The following CPLANE1 variants were observed in gnomAD, a reference collection of about 807,000 sequenced individuals.
CPLANE1 encodes the protein ciliogenesis and planar polarity effector 1.
In CPLANE1, 263 loss-of-function variants were observed where a neutral mutation model predicts 362.5. That is an observed-to-expected ratio of 0.73 (90% CI 0.66 to 0.80). The LOEUF (loss-of-function observed/expected upper bound fraction) is 0.80, where lower values mean the gene tolerates loss of function less well. Ranked by LOEUF, CPLANE1 falls within the 30% of genes least tolerant of loss-of-function variation. The pLI is 0.00. For missense variants in CPLANE1, 3,461 were observed against 3,793.4 expected, an observed-to-expected ratio of 0.91 and a Z score of 2.30; for synonymous variants, 1,212 against 1,302.6, an observed-to-expected ratio of 0.93 and a Z score of 1.50.
rs777792981 is a variant in CPLANE1, at chr5:37,186,266, T to G, written c.4189+20A>C. ...TTCTGCAATTTATCTGTTAGCTATC[T>G]GAGAAACAACAAATAATACCTTTCA... On this transcript the variant is annotated intron_variant, in intron 24 of 52. Transcript: ENST00000651892. 2 of 1,162,538 alleles carry G rather than the reference T, an allele frequency of 1.7e-6. No homozygotes were observed. The highest frequency in any genetic ancestry group is 2.6e-6 in the Non-Finnish European group (2 of 783,912). 72.0% of individuals were successfully genotyped at this position (1,162,538 alleles called of 1,614,324 possible).
At chr5:37,193,169 A>C (rs1473632484) in intron 21 of CPLANE1, among the ~76,000 whole-genome samples, 1 of 150,264 alleles carries the variant, frequency 6.7e-6, no homozygotes. Context: ...ACTCCAACTA[A>C]AAAAAAAACG....
chr5:37,181,073 A>T (rs1424302984), intron 26 of CPLANE1, 68 bp from the exon 27 acceptor site: 1 of 1,335,024 alleles, frequency 7.5e-7, no homozygotes, highest in Non-Finnish European at 1.0e-6. Flanking sequence ...TTTTAAAATT[A>T]TTCATTCTTT....
chr5:37,142,568 G>T, intron 43 of CPLANE1, 88 bp from the exon 44 acceptor site: 2 of 813,432 alleles, frequency 2.5e-6, no homozygotes, highest in East Asian at 2.9e-5. Context: ...TTTCCAACTG[G>T]CAACCCAGAT....
chr5:37,078,123 G>GTGGTT, the CPLANE1 span, among the ~76,000 whole-genome samples: 2 of 152,134 alleles, frequency 1.3e-5, no homozygotes, highest in Non-Finnish European at 2.9e-5. Context: ...GTGTGGTGTG[G>GTGGTT]TGGTTTGCTG....
At chr5:37,208,678 C>CCG (rs1282896454) in intron 16 of CPLANE1, among the ~76,000 whole-genome samples, 3 of 103,360 alleles carry the variant, frequency 2.9e-5, no homozygotes, top group African/African-American at 1.0e-4. Flanking sequence ...CTCTGTCTCC[C>CCG]CCCCCCCCCA....
chr5:37,122,742 C>T (rs1051740402), intron 47 of CPLANE1, among the ~76,000 whole-genome samples: 10 of 152,038 alleles, frequency 6.6e-5, no homozygotes, highest in East Asian at 1.9e-4. Flanking sequence ...GGTGAAACCT[C>T]GTCTCTACTA....
At position 37,157,325 on chromosome 5, in the gene CPLANE1, GTA is replaced by G. The variant is rs1291647947; in HGVS notation, c.8105_8106del (p.Ile2702ThrfsTer55). ...CTTGGCTGTTTACCTTTGTTCTGCT[GTA>G]TGTCTGATGGTGTAGGTGAGGTGAC... ...PSVTSPTPSD[I>X]QQNKGLPKPE... On this transcript the variant is annotated frameshift_variant, in exon 41 of 53. Coordinates refer to ENST00000651892, the MANE Select transcript of CPLANE1 (RefSeq NM_001384732.1). LOFTEE classifies it high-confidence loss of function. 7.3e-7 allele frequency: 1 copy of G among 1,369,122 alleles called. No homozygotes were observed. The highest frequency in any genetic ancestry group is 9.7e-7 in the Non-Finnish European group (1 of 1,033,038). The allele number at this position is 1,369,122 out of a possible 1,614,324, so 84.8% of individuals were successfully genotyped here.
Position 37,209,707 on chromosome 5 carries a change from T to C in CPLANE1, c.2921-3282A>G. 1 of 1,245,322 alleles carries C rather than the reference T, an allele frequency of 8.0e-7. No individual in the cohort carries two copies. Among genetic ancestry groups the C allele is most frequent in the Non-Finnish European group, 1.2e-6 (1 of 846,470 alleles). The allele number at this position is 1,245,322 out of a possible 1,614,324, so 77.1% of individuals were successfully genotyped here. A position where few individuals can be genotyped will look rare whatever the true frequency, so the allele number is the denominator to read the frequency against. On this transcript the variant is annotated intron_variant, in intron 16 of 52. Coordinates refer to ENST00000651892, the MANE Select transcript of CPLANE1 (RefSeq NM_001384732.1). The surrounding 1 kb of genome is among the most constrained non-coding windows in gnomAD (Gnocchi z 4.6). The stretch of plus-strand genomic sequence containing the variant: ...ACTATGCAGGATCTATTACAACTCA[T>C]TAAAATCAACCCTACTTCCAGTCTG...
chr5:37,213,590 C>T lies in CPLANE1; in HGVS notation c.2889G>A (p.Val963=). Residue 963 remains valine, a synonymous_variant, in exon 16 of 53, where the codon GTG becomes GTA. Transcript: ENST00000651892. The part of the protein sequence containing the change: ...QQLCILPPHH[V]NVLPPLHIKT... ...TAATATGAAGTGGGGGAAGAACATT[C>T]ACATGATGAGGGGGCAAAATGCAAA... 1 of 1,545,492 alleles carries T rather than the reference C, an allele frequency of 6.5e-7. No individual in the cohort carries two copies. Among genetic ancestry groups the T allele is most frequent in the Non-Finnish European group, 8.7e-7 (1 of 1,143,306 alleles).
rs1772330214 is a variant in CPLANE1, at chr5:37,148,233, G to A, written c.8409C>T (p.Gly2803=). The stretch of plus-strand genomic sequence containing the variant: ...AAGCTAATGTTTTTTTGAATTCAGG[G>A]CCAGAAGAGAATTCAATGTGATCCA... ...GPVDHIEFSS[G]PEFKKTLASK... Residue 2803 remains glycine (G), a synonymous_variant, in exon 43 of 53, where the codon GGC becomes GGT. Transcript: ENST00000651892. The A allele has an allele frequency of 4.3e-6, 7 of 1,611,592 alleles. 1 individual carries two copies. The South Asian group carries it at 5.5e-5, about 13-fold the overall frequency.
At chr5:37,213,812 A>G in intron 15 of CPLANE1, 80 bp from the exon 16 acceptor site, 4 of 1,185,238 alleles carry the variant, frequency 3.4e-6, no homozygotes, top group East Asian at 2.8e-5. Context: ...ACATTATACA[A>G]AAAGAAAATT....
At chr5:37,233,609 C>T (rs1798250520) in intron 8 of CPLANE1, among the ~76,000 whole-genome samples, 1 of 151,976 alleles carries the variant, frequency 6.6e-6, no homozygotes, top group Non-Finnish European at 1.5e-5. Flanking sequence ...TCACAACTTC[C>T]AGTAACTCCA....
At chr5:37,244,993 T>C (rs1275401940) in intron 4 of CPLANE1, among the ~76,000 whole-genome samples, 1 of 151,248 alleles carries the variant, frequency 6.6e-6, no homozygotes. Flanking sequence ...CTACTAAAAA[T>C]ACAAAAAAAT....
chr5:37,180,739 CTCTACT>C (rs893985376), intron 27 of CPLANE1, 112 bp downstream of exon 27: 2 of 883,168 alleles, frequency 2.3e-6, no homozygotes, highest in Non-Finnish European at 3.5e-6. Context: ...CTGCCTGCTC[CTCTACT>C]TCAAAAAATG....
the CPLANE1 span, among the ~76,000 whole-genome samples, chr5:37,077,853 C>T: frequency 2.0e-5 from 3 of 151,848 alleles, no homozygotes; most frequent in East Asian, 1.9e-4. Flanking sequence ...TGGACTCAAG[C>T]GATCCTCCCA....
rs1194881312 is a variant in CPLANE1, at chr5:37,249,307, G to A, written c.-110C>T. 6.6e-6 allele frequency: 1 copy of A among 152,342 alleles called. No homozygotes were observed. The highest frequency in any genetic ancestry group is 1.9e-4 in the East Asian group (1 of 5,198). The allele number at this position is 152,342 out of a possible 1,614,324, so 9.4% of individuals were successfully genotyped here. A position where few individuals can be genotyped will look rare whatever the true frequency, so the allele number is the denominator to read the frequency against. On this transcript the variant is annotated 5_prime_UTR_variant, in exon 1 of 53. Transcript: ENST00000651892. ...AAGGCTAGGCGAGGCCGACTGCGCG[G>A]GGTGAAGACGCCAGGCCGACAGCTG...
intron 47 of CPLANE1, chr5:37,124,911 G>A (rs1027598498): frequency 2.2e-5 from 23 of 1,050,548 alleles, no homozygotes; most frequent in Admixed American, 5.5e-5. Context: ...GTTGGTTGTC[G>A]CAACTGCCAA....
At chr5:37,114,846 C>T in intron 51 of CPLANE1, 114 bp downstream of exon 51, 1 of 617,026 alleles carries the variant, frequency 1.6e-6, no homozygotes, top group Non-Finnish European at 2.8e-6. Context: ...TTACAGTGAG[C>T]CGACATTGCA....
intron 41 of CPLANE1, among the ~76,000 whole-genome samples, chr5:37,156,918 T>C (rs561655960): frequency 2.6e-5 from 4 of 152,310 alleles, no homozygotes; most frequent in South Asian, 4.1e-4. Context: ...AACTTGTACA[T>C]GTGTCCCGAA....
Sources: allele counts gnomAD v4.1 joint callset (sites outside exome capture counted in the v4.1 genomes callset), GRCh38; gene constraint gnomAD v4.1.1; non-coding constraint Gnocchi (gnomAD v3.1); transcripts MANE v1.5; gene names NCBI Gene and HGNC (gene_info 2026-07-23, HGNC 2026-07-21).